Variants in KLHL3 observed in about 807,000 individuals in gnomAD.
KLHL3 encodes kelch like family member 3.
In KLHL3, 19 loss-of-function variants were observed where a neutral mutation model predicts 70.5. The observed-to-expected ratio is 0.27, with a 90% CI of 0.19 to 0.40. KLHL3 has a LOEUF of 0.40. Ranked by LOEUF, KLHL3 falls within the 10% of genes least tolerant of loss-of-function variation. KLHL3 has a pLI of 1.00. For missense variants in KLHL3, 512 were observed against 771.1 expected (o/e 0.66, Z 3.98); for synonymous variants, 258 against 290.3 (o/e 0.89, Z 1.13).
rs114620552 is a variant in KLHL3 at position 137,641,729 on chromosome 5, G to T, written c.904-1752C>A. Among the ~76,000 whole-genome samples the T allele has an allele frequency of 6.4e-3, 974 of 152,276 alleles. 12 individuals carry two copies. Among genetic ancestry groups the T allele is most frequent in the African/African-American group, 0.022 (918 of 41,548 alleles). ...GAACAGGCTCACCCACTGCCATGTGGGTGGTCACTGGTCATCAGACTTAGT... is the reference window on the plus strand; with the variant it reads ...GAACAGGCTCACCCACTGCCATGTGTGTGGTCACTGGTCATCAGACTTAGT... On this transcript the variant is annotated intron_variant, in intron 8 of 14. Transcript: ENST00000309755.
chr5:137,658,884 C>A (rs1334597766), intron 7 of KLHL3, among the ~76,000 whole-genome samples: 2 of 152,212 alleles, frequency 1.3e-5, no homozygotes, highest in African/African-American at 4.8e-5. Context: ...AATTACCCTG[C>A]ACAAAGTCCC....
intron 1 of KLHL3, among the ~76,000 whole-genome samples, chr5:137,727,420 T>A (rs1469458138): frequency 1.3e-5 from 2 of 152,208 alleles, no homozygotes; most frequent in African/African-American, 4.8e-5. Context: ...AATGTCAATG[T>A]GTTCCAGGCA....
chr5:137,734,461 A>C (rs1268535754), intron 1 of KLHL3, among the ~76,000 whole-genome samples: 1 of 152,232 alleles, frequency 6.6e-6, no homozygotes, highest in African/African-American at 2.4e-5. Context: ...TCTACAGACA[A>C]AAGAATGACA....
At chr5:137,668,733 G>A (rs1427164150) in intron 6 of KLHL3, among the ~76,000 whole-genome samples, 2 of 152,210 alleles carry the variant, frequency 1.3e-5, no homozygotes, top group Non-Finnish European at 1.5e-5. Context: ...GAGCAGTGGT[G>A]TGCGGCAATT....
At chr5:137,656,695 G>C (rs1751352985) in intron 8 of KLHL3, among the ~76,000 whole-genome samples, 1 of 152,266 alleles carries the variant, frequency 6.6e-6, no homozygotes, top group Non-Finnish European at 1.5e-5. Context: ...GCCAGACCAA[G>C]GCCTTGCCTT....
rs1267093872 is a variant in KLHL3 at position 137,735,815 on chromosome 5, T to TA, written c.-170dup. 20 of 854,734 alleles carry TA rather than the reference T, an allele frequency of 2.3e-5. No individual in the cohort carries two copies. In the African/African-American group the frequency reaches 3.0e-4, roughly 13 times the overall value. The allele number at this position is 854,734 out of a possible 1,614,324, so 52.9% of individuals were successfully genotyped here. On this transcript the variant is annotated 5_prime_UTR_variant, in exon 1 of 15. Coordinates refer to ENST00000309755, the MANE Select transcript of KLHL3 (RefSeq NM_017415.3). ...CTTCTCAATCCTCCTTCCTCTGACT[T>TA]ACTCGCAGCAGCTTCTACCGCAAAA...
At chr5:137,683,173 A>G (rs1456931972) in intron 5 of KLHL3, among the ~76,000 whole-genome samples, 1 of 152,140 alleles carries the variant, frequency 6.6e-6, no homozygotes, top group Non-Finnish European at 1.5e-5. Context: ...GCTTGGTGGG[A>G]AAAGACTGAA....
chr5:137,720,116 A>G (rs1752968952), intron 2 of KLHL3, among the ~76,000 whole-genome samples: 2 of 152,208 alleles, frequency 1.3e-5, no homozygotes, highest in South Asian at 4.2e-4. Flanking sequence ...CCTGACCAAC[A>G]TGGTGAAACC....
At chr5:137,672,516 A>T (rs1751786171) in intron 6 of KLHL3, among the ~76,000 whole-genome samples, 1 of 152,332 alleles carries the variant, frequency 6.6e-6, no homozygotes, top group East Asian at 1.9e-4. Flanking sequence ...CTTAACACTA[A>T]TTTTTTAAAA....
At chr5:137,685,509 G>A (rs921525353) in intron 5 of KLHL3, among the ~76,000 whole-genome samples, 4 of 152,246 alleles carry the variant, frequency 2.6e-5, no homozygotes, top group African/African-American at 9.6e-5. Context: ...CCCCACTTCA[G>A]AGAGACAGGC....
chr5:137,703,126 A>G (rs1461241259), intron 3 of KLHL3, among the ~76,000 whole-genome samples: 1 of 152,254 alleles, frequency 6.6e-6, no homozygotes, highest in Admixed American at 6.5e-5. Flanking sequence ...GACGAACACC[A>G]CAGCTAAACC....
Position 137,668,186 on chromosome 5 carries a change from C to T in KLHL3, c.637-6155G>A, listed in dbSNP as rs778535539. ...GGGAGGCCGAGGAGGCCAAGGTGGG[C>T]GGATCACGAAGTCAAGAGATTGAGA... is the stretch of plus-strand genomic sequence containing the variant. On this transcript the variant is annotated intron_variant, in intron 6 of 14. Transcript: ENST00000309755. 2.6e-5 allele frequency among the ~76,000 whole-genome samples: 4 copies of T among 152,194 alleles called. No homozygotes were observed. The East Asian group carries it at 5.8e-4, about 22-fold the overall frequency.
Position 137,619,240 on chromosome 5 carries a change from G to A in KLHL3, c.*2858C>T, listed in dbSNP as rs913673886. On this transcript the variant is annotated 3_prime_UTR_variant, in exon 15 of 15. Transcript: ENST00000309755. ...TAGGGGATATTGCAACTGGCTTGTCGGGAACTAGAATTAAGTATTCTTATT... is the reference window on the plus strand; with the variant it reads ...TAGGGGATATTGCAACTGGCTTGTCAGGAACTAGAATTAAGTATTCTTATT... The A allele has an allele frequency of 6.6e-6, 1 of 152,586 alleles. No homozygotes were observed. Among genetic ancestry groups the A allele is most frequent in the African/African-American group, 2.4e-5 (1 of 41,436 alleles). The allele number at this position is 152,586 out of a possible 1,614,324, so 9.5% of individuals were successfully genotyped here.
At chr5:137,650,346 T>C (rs1751169437) in intron 8 of KLHL3, among the ~76,000 whole-genome samples, 1 of 152,288 alleles carries the variant, frequency 6.6e-6, no homozygotes. Context: ...CCTGTACCCC[T>C]ATGAGGGCAT....
intron 1 of KLHL3, among the ~76,000 whole-genome samples, chr5:137,735,171 T>C (rs2149942022): frequency 6.6e-6 from 1 of 152,292 alleles, no homozygotes; most frequent in Admixed American, 6.5e-5. Context: ...CATGGCATGC[T>C]TGCTGAAGAT....
intron 1 of KLHL3, among the ~76,000 whole-genome samples, chr5:137,727,568 A>G (rs1029889108): frequency 6.6e-5 from 10 of 152,162 alleles, no homozygotes; most frequent in African/African-American, 2.4e-4. Flanking sequence ...GCCAAAATAC[A>G]CTAGGCTCTC....
intron 14 of KLHL3, among the ~76,000 whole-genome samples, chr5:137,624,434 A>G (rs969068935): frequency 1.3e-5 from 2 of 152,230 alleles, no homozygotes; most frequent in Admixed American, 1.3e-4. Context: ...TTACTCCAGG[A>G]CCAAACTTCT....
chr5:137,735,585 A>G, intron 1 of KLHL3, 48 bp downstream of exon 1: 1 of 1,446,042 alleles, frequency 6.9e-7, no homozygotes. Context: ...GCAAGCACAC[A>G]TACACTTACA....
intron 5 of KLHL3, among the ~76,000 whole-genome samples, chr5:137,686,779 T>C (rs1752175669): frequency 6.6e-6 from 1 of 152,252 alleles, no homozygotes; most frequent in Non-Finnish European, 1.5e-5. Context: ...ATAATCATTT[T>C]CTACTTCTCC....
Sources: gnomAD v4.1 joint callset for allele counts (sites outside exome capture counted in the v4.1 genomes callset) on GRCh38, gnomAD v4.1.1 for gene constraint, MANE v1.5 for transcripts, NCBI Gene and HGNC (gene_info 2026-07-23, HGNC 2026-07-21) for gene names.